GPATCH2L: variants seen among roughly 807,000 people sequenced by gnomAD.
GPATCH2L encodes the protein G-patch domain containing 2 like.
In GPATCH2L, 31 loss-of-function variants were observed where a neutral mutation model predicts 57.4. The observed-to-expected ratio is 0.54, with a 90% CI of 0.41 to 0.73. GPATCH2L has a LOEUF of 0.73. Among genes scored for constraint, GPATCH2L ranks in the 30% least tolerant of loss-of-function variants. GPATCH2L has a pLI of 0.00. For missense variants in GPATCH2L, 481 were observed against 599.9 expected (o/e 0.80, Z 2.07); for synonymous variants, 199 against 210.7 (o/e 0.94, Z 0.48).
chr14:76,234,369 A>G (rs2040588262), intron 2 of GPATCH2L, among the ~76,000 whole-genome samples: 1 of 152,176 alleles, frequency 6.6e-6, no homozygotes. Flanking sequence ...TGGGGTCTAC[A>G]GCTTTGTGTA....
At position 76,173,553 on chromosome 14, in the gene GPATCH2L, T is replaced by G; in HGVS notation, c.912T>G (p.His304Gln). Residue 304 changes from histidine (H) to glutamine (Q), a missense_variant, in exon 5 of 10, where the codon CAT becomes CAG. Around this residue, in one of 3 missense-constraint regions of GPATCH2L, gnomAD observed 248 missense variants for 270.5 expected, o/e 0.92. Coordinates refer to ENST00000261530, the MANE Select transcript of GPATCH2L (RefSeq NM_017926.4). ...CCTTCCTTCTTTTTTTAGGGTACCA[T>G]ACTCGCTTGAATCGTCTACCTGGAG... ...LPSRPAQRGY[H>Q]TRLNRLPGAA... is the part of the protein sequence containing the mutation. 1 of 1,610,536 alleles carries G rather than the reference T, an allele frequency of 6.2e-7. No individual in the cohort carries two copies. Among genetic ancestry groups the G allele is most frequent in the Non-Finnish European group, 8.5e-7 (1 of 1,177,536 alleles).
chr14:76,183,477 A>G (rs1018362987), intron 8 of GPATCH2L, among the ~76,000 whole-genome samples: 4 of 151,860 alleles, frequency 2.6e-5, no homozygotes, highest in Non-Finnish European at 4.4e-5. Context: ...CAAAAAAATT[A>G]TAGCAAAATT....
chr14:76,194,407 G>T (rs1331513676), intron 8 of GPATCH2L, among the ~76,000 whole-genome samples: 4 of 151,928 alleles, frequency 2.6e-5, no homozygotes, highest in Non-Finnish European at 5.9e-5. Flanking sequence ...AATTTCTTAG[G>T]ATTTTAGTCA....
intron 1 of GPATCH2L, among the ~76,000 whole-genome samples, chr14:76,226,036 G>A (rs2040535201): frequency 6.6e-6 from 1 of 152,198 alleles, no homozygotes; most frequent in African/African-American, 2.4e-5. Context: ...AACCACTTTA[G>A]AAAGTTATTT....
Position 76,204,397 on chromosome 14 carries a change from C to T in GPATCH2L, c.*2546C>T, listed in dbSNP as rs891839479. ...TATTAAGCACACAAATACTTTCCAACACAGGGTTGTAAATTGTGCTCCTCA... is the reference window on the plus strand; with the variant it reads ...TATTAAGCACACAAATACTTTCCAATACAGGGTTGTAAATTGTGCTCCTCA... On this transcript the variant is annotated 3_prime_UTR_variant, in exon 10 of 10. Transcript: ENST00000261530. 1.3e-5 allele frequency: 2 copies of T among 152,172 alleles called. No homozygotes were observed. Among genetic ancestry groups the T allele is most frequent in the African/African-American group, 4.8e-5 (2 of 41,440 alleles). 9.4% of individuals were successfully genotyped at this position (152,172 alleles called of 1,614,324 possible).
intron 2 of GPATCH2L, among the ~76,000 whole-genome samples, chr14:76,166,321 A>G (rs1037957513): frequency 6.6e-6 from 1 of 152,236 alleles, no homozygotes; most frequent in African/African-American, 2.4e-5. Context: ...ATATTTGAGA[A>G]TAAAATTGTT....
intron 2 of GPATCH2L, among the ~76,000 whole-genome samples, chr14:76,160,952 C>T (rs1034280635): frequency 6.6e-6 from 1 of 152,212 alleles, no homozygotes; most frequent in African/African-American, 2.4e-5. Context: ...AGTATCGAAC[C>T]TGTCAACCTG....
rs1189877692 is a variant in GPATCH2L at position 76,214,330 on chromosome 14, T to C, written c.*12479T>C. 6.6e-6 allele frequency: 1 copy of C among 152,234 alleles called. No individual in the cohort carries two copies. Among genetic ancestry groups the C allele is most frequent in the Non-Finnish European group, 1.5e-5 (1 of 68,038 alleles). The allele number at this position is 152,234 out of a possible 1,614,324, so 9.4% of individuals were successfully genotyped here. On this transcript the variant is annotated 3_prime_UTR_variant, in exon 10 of 10. Coordinates refer to ENST00000261530, the MANE Select transcript of GPATCH2L (RefSeq NM_017926.4). ...GCTAAGCTTATCCCTAAGTATTTAA[T>C]TTATTTGCTAGTAAATGAGATTTCC...
chr14:76,177,897 G>C, intron 6 of GPATCH2L, 91 bp from the exon 7 acceptor site: 2 of 1,588,248 alleles, frequency 1.3e-6, no homozygotes, highest in East Asian at 4.5e-5. Context: ...TTTAGTTTCT[G>C]GTTACCATCA....
intron 2 of GPATCH2L, 48 bp downstream of exon 2, chr14:76,155,073 C>T (rs765980982): frequency 6.8e-7 from 1 of 1,480,184 alleles, no homozygotes; most frequent in Admixed American, 1.8e-5. Context: ...TAATTTTTCC[C>T]AAAGTGCACA....
At position 76,211,822 on chromosome 14, in the gene GPATCH2L, A is replaced by G. The variant is rs1467773912; in HGVS notation, c.*9971A>G. ...ATTTTGGTCTCATTAATACCGTGCT[A>G]TAAATAAAGTTAGCTAAATCTTTTG... On this transcript the variant is annotated 3_prime_UTR_variant, in exon 10 of 10. Transcript: ENST00000261530. 6.6e-6 allele frequency: 1 copy of G among 152,208 alleles called. No homozygotes were observed. The highest frequency in any genetic ancestry group is 2.4e-5 in the African/African-American group (1 of 41,450). The allele number at this position is 152,208 out of a possible 1,614,324, so 9.4% of individuals were successfully genotyped here.
chr14:76,176,387 TGTATTTA>T, intron 5 of GPATCH2L: 1 of 554,878 alleles, frequency 1.8e-6, no homozygotes, highest in South Asian at 2.3e-5. Flanking sequence ...GTGTCTATGA[TGTATTTA>T]TAAAGACTTT....
At position 76,202,126 on chromosome 14, in the gene GPATCH2L, C is replaced by G. The variant is rs1323910804; in HGVS notation, c.*275C>G. On this transcript the variant is annotated 3_prime_UTR_variant, in exon 10 of 10. Coordinates refer to ENST00000261530, the MANE Select transcript of GPATCH2L (RefSeq NM_017926.4). ...CTTGTTATTGCTGTCTCAACATTTACTACAGCTCCATTTACAGAACTGTTG... is the reference window on the plus strand; with the variant it reads ...CTTGTTATTGCTGTCTCAACATTTAGTACAGCTCCATTTACAGAACTGTTG... 1 of 265,648 alleles carries G rather than the reference C, an allele frequency of 3.8e-6. No homozygotes were observed. Among genetic ancestry groups the G allele is most frequent in the Admixed American group, 5.2e-5 (1 of 19,156 alleles). 16.5% of individuals were successfully genotyped at this position (265,648 alleles called of 1,614,324 possible).
intron 2 of GPATCH2L, among the ~76,000 whole-genome samples, chr14:76,162,365 G>C (rs1393420924): frequency 6.6e-6 from 1 of 152,210 alleles, no homozygotes; most frequent in Non-Finnish European, 1.5e-5. Flanking sequence ...TGATCTGAGA[G>C]GGGTGGGGAG....
chr14:76,162,733 A>G (rs1223709065), intron 2 of GPATCH2L, among the ~76,000 whole-genome samples: 1 of 152,202 alleles, frequency 6.6e-6, no homozygotes, highest in African/African-American at 2.4e-5. Context: ...CAAGTGAGGT[A>G]TGGGTCCCTG....
At chr14:76,161,402 C>G (rs2038576265) in intron 2 of GPATCH2L, among the ~76,000 whole-genome samples, 1 of 152,148 alleles carries the variant, frequency 6.6e-6, no homozygotes, top group Admixed American at 6.5e-5. Context: ...TGGGGAGAAA[C>G]AAACCCAGAT....
At chr14:76,227,666 T>C (rs910016102) in intron 1 of GPATCH2L, among the ~76,000 whole-genome samples, 12 of 152,214 alleles carry the variant, frequency 7.9e-5, no homozygotes, top group Non-Finnish European at 1.2e-4. Context: ...GTAGCTCCTG[T>C]GAGTAACACA....
chr14:76,215,020 G>T (rs2139854322), downstream of GPATCH2L, among the ~76,000 whole-genome samples: 1 of 151,976 alleles, frequency 6.6e-6, no homozygotes, highest in African/African-American at 2.4e-5. Flanking sequence ...TACTTTTGAA[G>T]TTAGTTTTAT....
intron 9 of GPATCH2L, among the ~76,000 whole-genome samples, chr14:76,199,756 AAC>A (rs1415585025): frequency 2.0e-5 from 3 of 152,328 alleles, no homozygotes; most frequent in Non-Finnish European, 4.4e-5. Flanking sequence ...CATGTAAAAA[AAC>A]AGTTCCTCAA....
Sources: gnomAD v4.1 joint callset for allele counts (sites outside exome capture counted in the v4.1 genomes callset) on GRCh38, gnomAD v4.1.1 for gene constraint, gnomAD v4.1.1 regional missense constraint, MANE v1.5 for transcripts, NCBI Gene and HGNC (gene_info 2026-07-23, HGNC 2026-07-21) for gene names.